CCDC125: variants seen among roughly 807,000 people sequenced by gnomAD.
CCDC125 encodes the protein coiled-coil domain-containing protein 125.
A neutral mutation model predicts 57.4 loss-of-function variants in CCDC125; 43 were observed. That is an observed-to-expected ratio of 0.75 (90% CI 0.59 to 0.97). CCDC125 has a LOEUF of 0.97. CCDC125 is among the 50% of genes least tolerant of loss of function. The pLI is 0.00. For synonymous variants in CCDC125, 187 were observed against 195.2 expected (o/e 0.96, Z 0.35); for missense variants, 563 against 595.7 (o/e 0.95, Z 0.57).
At chr5:69,310,724 T>C (rs535965828) in intron 4 of CCDC125, 4 of 155,952 alleles carry the variant, frequency 2.6e-5, no homozygotes, top group African/African-American at 9.6e-5. Context: ...ACTAAAAGAA[T>C]CTCAATGCAA....
At chr5:69,279,491 C>T (rs1305942349), downstream of CCDC125, among the ~76,000 whole-genome samples, 4 of 152,128 alleles carry the variant, frequency 2.6e-5, no homozygotes, top group Non-Finnish European at 4.4e-5. Context: ...CCACCGTGCC[C>T]GGCCGCTCAT....
intron 8 of CCDC125, among the ~76,000 whole-genome samples, chr5:69,297,323 G>C (rs146632739): frequency 2.6e-5 from 4 of 151,588 alleles, no homozygotes; most frequent in Non-Finnish European, 5.9e-5. Context: ...TTATAGATGT[G>C]AGCCACTGCG....
chr5:69,304,205 A>G (rs1235768320), intron 6 of CCDC125, among the ~76,000 whole-genome samples: 1 of 151,890 alleles, frequency 6.6e-6, no homozygotes, highest in East Asian at 1.9e-4. Flanking sequence ...CTTGGGTTCA[A>G]GTGATTCTCC....
At chr5:69,323,042 C>T (rs1760282524) in intron 1 of CCDC125, among the ~76,000 whole-genome samples, 2 of 151,870 alleles carry the variant, frequency 1.3e-5, no homozygotes, top group Non-Finnish European at 2.9e-5. Flanking sequence ...CGCGGTGGCT[C>T]ATGCCTGTAA....
chr5:69,320,786 G>GGTGTGT (rs145801965), intron 1 of CCDC125, among the ~76,000 whole-genome samples: 7 of 148,316 alleles, frequency 4.7e-5, no homozygotes, highest in African/African-American at 9.9e-5. Flanking sequence ...TATGGTGTGG[G>GGTGTGT]GTGTGTGTGT....
intron 1 of CCDC125, among the ~76,000 whole-genome samples, chr5:69,332,223 A>G (rs2150709822): frequency 6.6e-6 from 1 of 152,368 alleles, no homozygotes; most frequent in East Asian, 1.9e-4. Context: ...TTAGATGTAC[A>G]GTAAATTGCA....
intron 8 of CCDC125, among the ~76,000 whole-genome samples, chr5:69,297,043 G>C (rs1009471590): frequency 1.1e-4 from 16 of 152,134 alleles, no homozygotes; most frequent in African/African-American, 3.9e-4. Context: ...ACACAACATA[G>C]CGTGCCATAT....
chr5:69,307,817 G>T (rs1757572367), intron 5 of CCDC125, 134 bp downstream of exon 5: 3 of 657,190 alleles, frequency 4.6e-6, no homozygotes, highest in Non-Finnish European at 5.4e-6. Flanking sequence ...CTCCAAAAGG[G>T]AAGACCATCA....
intron 1 of CCDC125, among the ~76,000 whole-genome samples, chr5:69,327,094 C>CTT (rs34614722): frequency 2.2e-5 from 3 of 136,998 alleles, no homozygotes; most frequent in Non-Finnish European, 1.5e-5. Flanking sequence ...TATTCTCCCA[C>CTT]TTTTTTTTTT....
At chr5:69,288,510 G>A (rs1271402573) in intron 10 of CCDC125, among the ~76,000 whole-genome samples, 1 of 152,184 alleles carries the variant, frequency 6.6e-6, no homozygotes, top group Non-Finnish European at 1.5e-5. Flanking sequence ...GGGGTGGTAC[G>A]CCAAAGAGAG....
chr5:69,294,307 CTT>C (rs563046305), intron 9 of CCDC125: 48 of 168,774 alleles, frequency 2.8e-4, no homozygotes, highest in Non-Finnish European at 4.9e-4. Flanking sequence ...ATGCCAAGTA[CTT>C]TTTTTTTTTT....
chr5:69,284,118 T>TA (rs372595463), intron 11 of CCDC125, among the ~76,000 whole-genome samples: 9 of 149,100 alleles, frequency 6.0e-5, no homozygotes, highest in East Asian at 3.9e-4. Context: ...AATAATTTTT[T>TA]AAAAAAAAAA....
chr5:69,283,220 C>CT (rs1219833408), intron 11 of CCDC125, among the ~76,000 whole-genome samples, 186 bp from the exon 12 acceptor site: 17,494 of 136,602 alleles, frequency 0.13, 1,268 homozygotes, highest in Admixed American at 0.16. Context: ...ATTCATGAAT[C>CT]TTTTTTTTTT....
downstream of CCDC125, chr5:69,276,759 C>T (rs1162505424): frequency 1.1e-5 from 14 of 1,309,436 alleles, no homozygotes; most frequent in African/African-American, 1.5e-5. Flanking sequence ...GTATGGCTAG[C>T]GACTGAACAA....
At chr5:69,332,341 A>G (rs1044531162) in intron 1 of CCDC125, among the ~76,000 whole-genome samples, 4 of 152,244 alleles carry the variant, frequency 2.6e-5, no homozygotes, top group African/African-American at 9.6e-5. Context: ...CGTGCTATTA[A>G]CTAAACCACA....
rs1227292280 is a variant in CCDC125 at position 69,300,109 on chromosome 5, A to C, written c.719T>G (p.Leu240Trp). ...SDNAVLNQRY[L>W]EALAMLDIKQ... is the part of the protein sequence containing the mutation. ...GATATCAAGCATGGCGAGGGCCTCCAAATACCGTTGATTCAAAACTAGGAA... is the reference window on the plus strand; with the variant it reads ...GATATCAAGCATGGCGAGGGCCTCCCAATACCGTTGATTCAAAACTAGGAA... The change falls in exon 8 of 12, where the codon TTG becomes TGG. Residue 240 changes from leucine (L) to tryptophan (W), a missense_variant. Leu to Trp is a moderately conservative substitution (Grantham distance 61). Coordinates refer to ENST00000396496, the MANE Select transcript of CCDC125 (RefSeq NM_176816.5). 6.2e-7 allele frequency: 1 copy of C among 1,613,984 alleles called. No individual in the cohort carries two copies. Among genetic ancestry groups the C allele is most frequent in the Admixed American group, 1.7e-5 (1 of 60,008 alleles).
chr5:69,312,597 G>A (rs529047001), intron 3 of CCDC125, among the ~76,000 whole-genome samples: 54 of 152,300 alleles, frequency 3.5e-4, no homozygotes, highest in Middle Eastern at 6.8e-3. Context: ...CCACACATAC[G>A]GGGAAGGCCG....
At chr5:69,287,617 T>G (rs1470511968) in intron 10 of CCDC125, among the ~76,000 whole-genome samples, 1 of 151,824 alleles carries the variant, frequency 6.6e-6, no homozygotes, top group Non-Finnish European at 1.5e-5. Flanking sequence ...TCACCCAGGC[T>G]GGACTGCAGT....
At chr5:69,315,204 T>C (rs1216648969) in intron 2 of CCDC125, among the ~76,000 whole-genome samples, 1 of 150,220 alleles carries the variant, frequency 6.7e-6, no homozygotes, top group Non-Finnish European at 1.5e-5. Context: ...TGCAGTGAGC[T>C]GAGATTGCAC....
Sources: allele counts gnomAD v4.1 joint callset (sites outside exome capture counted in the v4.1 genomes callset), GRCh38; gene constraint gnomAD v4.1.1; transcripts MANE v1.5; gene names NCBI Gene and HGNC (gene_info 2026-07-23, HGNC 2026-07-21).